SMARCA1: variants seen among roughly 807,000 people sequenced by gnomAD.
SMARCA1 encodes SNF2 related chromatin remodeling ATPase 1.
Under a neutral mutation model 93.6 loss-of-function variants are expected in SMARCA1, and 17 were observed. The observed-to-expected ratio is 0.18, with a 90% confidence interval of 0.12 to 0.27. SMARCA1 has a LOEUF of 0.27. Among genes scored for constraint, SMARCA1 ranks in the 10% least tolerant of loss-of-function variants. The pLI, the probability that SMARCA1 is intolerant of heterozygous loss-of-function variation, is 1.00. For missense variants in SMARCA1, 630 were observed against 819.0 expected (o/e 0.77, Z 2.82); for synonymous variants, 271 against 271.4 (o/e 1.00, Z 0.01).
At chrX:129,469,026 C>T in intron 20 of SMARCA1, 121 bp from the exon 21 acceptor site, 1 of 406,755 alleles carries the variant, frequency 2.5e-6, no homozygotes, top group Non-Finnish European at 3.9e-6. Flanking sequence ...AATGTTTCTC[C>T]TTATAAAATT....
chrX:129,507,705 C>A (rs1338566872), intron 7 of SMARCA1, among the ~76,000 whole-genome samples: 1 of 111,989 alleles, frequency 8.9e-6, no homozygotes, highest in Non-Finnish European at 1.9e-5. Context: ...AGGCATGCAC[C>A]ACCACACCCT....
intron 6 of SMARCA1, among the ~76,000 whole-genome samples, chrX:129,509,882 C>A (rs894158386): frequency 1.8e-5 from 2 of 111,895 alleles, no homozygotes; most frequent in Non-Finnish European, 3.8e-5. Context: ...AATAATCTCC[C>A]AACTCAATTA....
Position 129,508,152 on chromosome X carries a change from A to G in SMARCA1, c.811-56T>C, listed in dbSNP as rs1055544610. ...ATATATTTATATTAGAATATGTTAT[A>G]AGATGATCACAGAATTAAAATATCA... On this transcript the variant is annotated intron_variant, in intron 6 of 24. Coordinates refer to ENST00000371121, the MANE Select transcript of SMARCA1 (RefSeq NM_001282874.2). 1.0e-5 allele frequency: 7 copies of G among 683,552 alleles called. No individual in the cohort carries two copies. The East Asian group carries it at 2.9e-4, about 29-fold the overall frequency. The allele number at this position is 683,552 out of a possible 1,213,427, so 56.3% of individuals were successfully genotyped here.
chrX:129,499,060 C>T (rs1179702366), intron 10 of SMARCA1, among the ~76,000 whole-genome samples: 1 of 109,471 alleles, frequency 9.1e-6, no homozygotes, highest in Non-Finnish European at 1.9e-5. Flanking sequence ...TTTTTTGAGA[C>T]ACGGTCTCAC....
At chrX:129,486,316 T>A (rs1933881889) in intron 17 of SMARCA1, among the ~76,000 whole-genome samples, 1 of 110,950 alleles carries the variant, frequency 9.0e-6, no homozygotes, top group Admixed American at 9.6e-5. Flanking sequence ...TGTAAATTGT[T>A]AATATTAGGG....
At chrX:129,466,464 G>A (rs1316535988) in intron 21 of SMARCA1, among the ~76,000 whole-genome samples, 1 of 111,330 alleles carries the variant, frequency 9.0e-6, no homozygotes, top group Non-Finnish European at 1.9e-5. Context: ...AGACCAGCCT[G>A]GCCAACATGG....
intron 18 of SMARCA1, 124 bp downstream of exon 18, chrX:129,480,951 C>A: frequency 9.1e-6 from 5 of 549,795 alleles, no homozygotes; most frequent in Non-Finnish European, 1.4e-5. Context: ...AAATCAGATA[C>A]TTTTTTGTAC....
At chrX:129,497,044 G>A (rs1249283864) in intron 11 of SMARCA1, among the ~76,000 whole-genome samples, 173 bp from the exon 12 acceptor site, 2 of 110,733 alleles carry the variant, frequency 1.8e-5, no homozygotes, top group Non-Finnish European at 3.8e-5. Context: ...TTCAAGAGAT[G>A]CTATATATAG....
chrX:129,523,062 GACC>G, intron 1 of SMARCA1, 132 bp downstream of exon 1: 2 of 692,597 alleles, frequency 2.9e-6, no homozygotes, highest in Non-Finnish European at 4.2e-6. Context: ...TTCCGCCGCC[GACC>G]CCCGCACCCG....
chrX:129,521,293 C>T (rs375810377), intron 1 of SMARCA1, among the ~76,000 whole-genome samples: 2 of 112,237 alleles, frequency 1.8e-5, no homozygotes, highest in East Asian at 5.5e-4. Context: ...GTGTCACTGT[C>T]AAAGTACACT....
intron 6 of SMARCA1, among the ~76,000 whole-genome samples, chrX:129,508,629 T>C (rs902830616): frequency 2.7e-5 from 3 of 112,417 alleles, no homozygotes; most frequent in Non-Finnish European, 1.9e-5. Flanking sequence ...CACTAATGTT[T>C]TTGTGAAGTT....
At chrX:129,455,631 T>C (rs1178317142) in intron 23 of SMARCA1, among the ~76,000 whole-genome samples, 2 of 111,018 alleles carry the variant, frequency 1.8e-5, no homozygotes, top group African/African-American at 6.5e-5. Context: ...GCTACTCCAC[T>C]GAACACACAA....
At chrX:129,505,301 A>G (rs6637610) in intron 8 of SMARCA1, among the ~76,000 whole-genome samples, 11,026 of 110,938 alleles carry the variant, frequency 0.099, 476 homozygotes, top group East Asian at 0.32. Flanking sequence ...ACTTGAGGTC[A>G]GGAGTTCGAG....
At chrX:129,473,397 C>A (rs1569431331) in intron 19 of SMARCA1, among the ~76,000 whole-genome samples, 1 of 111,980 alleles carries the variant, frequency 8.9e-6, no homozygotes, top group East Asian at 2.8e-4. Context: ...AAAACAACTT[C>A]TCTTCAGTAG....
At chrX:129,516,232 C>A (rs929449666) in intron 3 of SMARCA1, 99 bp downstream of exon 3, 5 of 784,342 alleles carry the variant, frequency 6.4e-6, no homozygotes, top group Non-Finnish European at 9.2e-6. Context: ...GTATACTGAA[C>A]AATGAAGAGC....
chrX:129,479,700 A>AT (rs1186348897), intron 19 of SMARCA1, among the ~76,000 whole-genome samples: 5 of 85,608 alleles, frequency 5.8e-5, no homozygotes, highest in African/African-American at 2.1e-4. Flanking sequence ...ATTTTATTTT[A>AT]TTTTATTTTA....
chrX:129,452,489 T>C (rs778370593), intron 23 of SMARCA1, among the ~76,000 whole-genome samples: 25 of 112,585 alleles, frequency 2.2e-4, no homozygotes, highest in Non-Finnish European at 4.1e-4. Flanking sequence ...AATTCCTATG[T>C]TCAAATGTGT....
intron 1 of SMARCA1, 23 bp downstream of exon 1, chrX:129,523,174 A>G: frequency 8.3e-7 from 1 of 1,207,627 alleles, no homozygotes. Flanking sequence ...TGTCCACCAC[A>G]CACACACCCC....
chrX:129,493,483 C>A (rs1233481251), intron 12 of SMARCA1, among the ~76,000 whole-genome samples: 2 of 111,065 alleles, frequency 1.8e-5, no homozygotes, highest in Non-Finnish European at 3.8e-5. Context: ...ATGGCATGGT[C>A]AAAGTTTCAG....
Sources: gnomAD v4.1 joint callset for allele counts (sites outside exome capture counted in the v4.1 genomes callset) on GRCh38, gnomAD v4.1.1 for gene constraint, MANE v1.5 for transcripts, NCBI Gene and HGNC (gene_info 2026-07-23, HGNC 2026-07-21) for gene names.